The following HSPA12A variants were observed in gnomAD, a reference collection of about 807,000 sequenced individuals.
The protein encoded by HSPA12A is heat shock protein family A (Hsp70) member 12A.
HSPA12A carries 28 observed loss-of-function variants against 69.2 expected under a neutral mutation model. The ratio of observed to expected loss-of-function variants is 0.40; its 90% CI spans 0.30 to 0.55. The LOEUF is 0.55. Ranked by LOEUF, HSPA12A falls within the 20% of genes least tolerant of loss-of-function variation. The pLI, the probability that HSPA12A is intolerant of heterozygous loss-of-function variation, is 0.38. For synonymous variants in HSPA12A, 345 were observed against 370.5 expected (o/e 0.93, Z 0.79); for missense variants, 686 against 900.7 (o/e 0.76, Z 3.05).
chr10:116,705,231 C>A lies in HSPA12A; in HGVS notation c.174G>T (p.Val58=). The change falls in exon 3 of 12, where the codon GTG becomes GTT. Residue 58 remains valine (V), a synonymous_variant. Transcript: ENST00000369209. The stretch of plus-strand genomic sequence containing the variant: ...ATGTGGTCCCAAAGTCGACGGCCAC[C>A]ACCACGAGAAATGACTGCTGTTCTG... ...NVSEQQSFLV[V]VAVDFGTTSS... 1 of 1,614,162 alleles carries A rather than the reference C, an allele frequency of 6.2e-7. No individual in the cohort carries two copies.
At chr10:116,722,489 G>A (rs1487301094) in intron 1 of HSPA12A, among the ~76,000 whole-genome samples, 1 of 152,146 alleles carries the variant, frequency 6.6e-6, no homozygotes, top group African/African-American at 2.4e-5. Context: ...GACATTCTGG[G>A]TTAATGAACA....
intron 2 of HSPA12A, chr10:116,750,413 T>C: frequency 1.5e-6 from 1 of 678,236 alleles, no homozygotes; most frequent in Non-Finnish European, 2.7e-6. Flanking sequence ...TGGAGGCTTG[T>C]CTACCCCTCA....
At chr10:116,790,248 C>T (rs958625688) in intron 2 of HSPA12A, among the ~76,000 whole-genome samples, 1 of 151,734 alleles carries the variant, frequency 6.6e-6, no homozygotes, top group African/African-American at 2.4e-5. Flanking sequence ...GGACTACAGG[C>T]GCCCGCCACC....
At chr10:116,680,513 T>G (rs1849371503) in intron 9 of HSPA12A, among the ~76,000 whole-genome samples, 1 of 152,062 alleles carries the variant, frequency 6.6e-6, no homozygotes, top group Non-Finnish European at 1.5e-5. Flanking sequence ...TTTTTGAGAG[T>G]CTCGCTCTGT....
intron 1 of HSPA12A, among the ~76,000 whole-genome samples, chr10:116,711,296 A>C (rs1467163731): frequency 6.6e-6 from 1 of 152,222 alleles, no homozygotes; most frequent in Non-Finnish European, 1.5e-5. Flanking sequence ...TGACTTGGAC[A>C]CACTAGGAAC....
intron 3 of HSPA12A, among the ~76,000 whole-genome samples, chr10:116,702,393 G>T (rs935446652): frequency 6.6e-6 from 1 of 152,144 alleles, no homozygotes; most frequent in South Asian, 2.1e-4. Context: ...AGGTGGCCAC[G>T]CTCCCAGCTG....
chr10:116,732,533 AG>A (rs1286066329), intron 1 of HSPA12A, among the ~76,000 whole-genome samples: 1 of 152,106 alleles, frequency 6.6e-6, no homozygotes, highest in Non-Finnish European at 1.5e-5. Context: ...CTTTCAAAAC[AG>A]ACATTCTGCC....
At chr10:116,714,235 C>T (rs1044932630) in intron 1 of HSPA12A, among the ~76,000 whole-genome samples, 1 of 151,998 alleles carries the variant, frequency 6.6e-6, no homozygotes, top group Non-Finnish European at 1.5e-5. Flanking sequence ...GGAGTTCTTT[C>T]CCAACTGAGG....
At chr10:116,825,710 C>T (rs1013901796) in intron 2 of HSPA12A, among the ~76,000 whole-genome samples, 8 of 151,986 alleles carry the variant, frequency 5.3e-5, no homozygotes, top group African/African-American at 7.3e-5. Context: ...GTGGGGGAAA[C>T]GAGGAGTGGC....
intron 1 of HSPA12A, among the ~76,000 whole-genome samples, chr10:116,836,749 A>G (rs1218891139): frequency 6.7e-6 from 1 of 150,106 alleles, no homozygotes; most frequent in Non-Finnish European, 1.5e-5. Flanking sequence ...TTTAGTGTAG[A>G]ATTGTGGTAA....
At chr10:116,804,479 C>A (rs1845026790) in intron 2 of HSPA12A, among the ~76,000 whole-genome samples, 1 of 151,994 alleles carries the variant, frequency 6.6e-6, no homozygotes, top group African/African-American at 2.4e-5. Flanking sequence ...CTCCCCGAGT[C>A]CCTGAGATTC....
chr10:116,819,282 G>T lies in HSPA12A; in HGVS notation c.91+15653C>A, dbSNP rs548182202. On this transcript the variant is annotated intron_variant, in intron 2 of 12. Coordinates refer to the HSPA12A transcript ENST00000635765. ...ATGGCTCCACTTCTTAGATTCCCTG[G>T]GTCCCCTGACCCCTACCCACAACAG... Among the ~76,000 whole-genome samples the T allele has an allele frequency of 8.5e-5, 13 of 152,168 alleles. No individual in the cohort carries two copies. The South Asian group carries it at 2.7e-3, about 32-fold the overall frequency.
At chr10:116,692,560 T>C (rs1849767264) in intron 5 of HSPA12A, 93 bp from the exon 6 acceptor site, 2 of 941,426 alleles carry the variant, frequency 2.1e-6, no homozygotes, top group East Asian at 2.4e-5. Context: ...CTTCCTGCCA[T>C]GAGCTCTTCA....
intron 2 of HSPA12A, among the ~76,000 whole-genome samples, chr10:116,775,929 T>C (rs1457194198): frequency 2.0e-5 from 3 of 152,190 alleles, no homozygotes; most frequent in Non-Finnish European, 2.9e-5. Flanking sequence ...CACCAGGGAC[T>C]AGACTGGGGG....
chr10:116,742,358 C>T (rs1851540405), intron 1 of HSPA12A, 72 bp downstream of exon 1: 7 of 1,377,178 alleles, frequency 5.1e-6, no homozygotes, highest in African/African-American at 1.5e-5. Flanking sequence ...GGGTGCGGAG[C>T]GTTGGGCCAA....
upstream of HSPA12A, chr10:116,849,875 T>G (rs1248059157): frequency 4.1e-5 from 40 of 974,000 alleles, no homozygotes; most frequent in Admixed American, 8.4e-5. Context: ...CGGAGGAGAC[T>G]TCTGGAGGGA....
At chr10:116,774,200 G>A (rs1046799319) in intron 2 of HSPA12A, among the ~76,000 whole-genome samples, 14 of 152,104 alleles carry the variant, frequency 9.2e-5, no homozygotes, top group East Asian at 5.8e-4. Context: ...TAGTAGAGAC[G>A]GGGTTTCACC....
At chr10:116,804,589 A>G (rs1470313555) in intron 2 of HSPA12A, among the ~76,000 whole-genome samples, 1 of 152,044 alleles carries the variant, frequency 6.6e-6, no homozygotes, top group Non-Finnish European at 1.5e-5. Context: ...AGGCATCAGG[A>G]ACATTAGTGG....
chr10:116,816,249 C>G (rs1182529999), intron 2 of HSPA12A, among the ~76,000 whole-genome samples: 1 of 152,234 alleles, frequency 6.6e-6, no homozygotes, highest in Non-Finnish European at 1.5e-5. Flanking sequence ...CTGCCACATT[C>G]ATATCATCTT....
Sources: allele counts gnomAD v4.1 joint callset (sites outside exome capture counted in the v4.1 genomes callset), GRCh38; gene constraint gnomAD v4.1.1; transcripts MANE v1.5; gene names NCBI Gene and HGNC (gene_info 2026-07-23, HGNC 2026-07-21).